ATP9B: variants seen among roughly 807,000 people sequenced by gnomAD.
The protein encoded by ATP9B is probable phospholipid-transporting ATPase IIB.
ATP9B carries 110 observed loss-of-function variants against 146.1 expected under a neutral mutation model. The observed-to-expected ratio is 0.75, with a 90% CI of 0.65 to 0.88. The LOEUF (loss-of-function observed/expected upper bound fraction) is 0.88, where lower values mean the gene tolerates loss of function less well. Ranked by LOEUF, ATP9B falls within the 40% of genes least tolerant of loss-of-function variation. ATP9B has a pLI of 0.00. For synonymous variants in ATP9B, 604 were observed against 569.7 expected (o/e 1.06, Z -0.86); for missense variants, 1,499 against 1,496.4 (o/e 1.00, Z -0.03).
At chr18:79,080,004 A>ATG (rs1331977842) in intron 1 of ATP9B, among the ~76,000 whole-genome samples, 1 of 152,206 alleles carries the variant, frequency 6.6e-6, no homozygotes, top group Non-Finnish European at 1.5e-5. Flanking sequence ...ACATTGGTCT[A>ATG]TAACTCTGTT....
intron 26 of ATP9B, among the ~76,000 whole-genome samples, chr18:79,365,300 C>T (rs968598978): frequency 1.3e-5 from 2 of 152,074 alleles, no homozygotes; most frequent in Admixed American, 1.3e-4. Flanking sequence ...TTGAAGCCAC[C>T]GTGAGATGCC....
intron 11 of ATP9B, among the ~76,000 whole-genome samples, chr18:79,249,824 G>C (rs1255585084): frequency 1.3e-5 from 2 of 152,084 alleles, no homozygotes; most frequent in Non-Finnish European, 2.9e-5. Flanking sequence ...CTTTTCTTCT[G>C]TTTTGTTAGA....
chr18:79,216,700 CT>C (rs1401383644), intron 11 of ATP9B, among the ~76,000 whole-genome samples: 3 of 152,178 alleles, frequency 2.0e-5, no homozygotes, highest in African/African-American at 7.2e-5. Context: ...CTCTTCTTTT[CT>C]TTTCCCTGTT....
intron 15 of ATP9B, among the ~76,000 whole-genome samples, chr18:79,320,482 A>G (rs1050523043): frequency 2.0e-5 from 3 of 152,212 alleles, no homozygotes; most frequent in Admixed American, 2.0e-4. Context: ...TGAGAGGCCC[A>G]GGGCCAGGCC....
chr18:79,356,016 C>T (rs1440798051), intron 25 of ATP9B, among the ~76,000 whole-genome samples: 1 of 152,180 alleles, frequency 6.6e-6, no homozygotes, highest in Non-Finnish European at 1.5e-5. Flanking sequence ...AGACTCGTGT[C>T]CAGCAGTGCT....
intron 3 of ATP9B, among the ~76,000 whole-genome samples, chr18:79,112,293 T>A (rs2093989179): frequency 6.6e-6 from 1 of 152,218 alleles, no homozygotes; most frequent in South Asian, 2.1e-4. Context: ...GATTTAATTG[T>A]AGTGTGCTGT....
intron 13 of ATP9B, among the ~76,000 whole-genome samples, chr18:79,302,330 C>T (rs946331637): frequency 6.6e-6 from 1 of 151,290 alleles, no homozygotes; most frequent in African/African-American, 2.4e-5. Flanking sequence ...GAAATAAGTG[C>T]ACACACCCCC....
chr18:79,193,309 T>G lies in ATP9B; in HGVS notation c.954+46T>G, dbSNP rs1255654767. The G allele has an allele frequency of 4.1e-6, 6 of 1,450,012 alleles. No individual in the cohort carries two copies. The East Asian group carries it at 1.4e-4, about 33-fold the overall frequency. 89.8% of individuals were successfully genotyped at this position (1,450,012 alleles called of 1,614,324 possible). ...AATACAAATAGAGTTATTGTGTAAG[T>G]TAAAAGTAGCAAACCTTTGAGACAG... On this transcript the variant is annotated intron_variant, in intron 9 of 29. Coordinates refer to ENST00000426216, the MANE Select transcript of ATP9B (RefSeq NM_198531.5).
At chr18:79,348,288 G>C in intron 25 of ATP9B, 92 bp downstream of exon 25, 6,621 of 967,450 alleles carry the variant, frequency 6.8e-3, no homozygotes, top group Non-Finnish European at 9.4e-3. Flanking sequence ...GTATATAGAA[G>C]ATTCTTGATA....
chr18:79,119,223 G>T (rs2094147276), intron 4 of ATP9B, among the ~76,000 whole-genome samples: 1 of 152,092 alleles, frequency 6.6e-6, no homozygotes, highest in Non-Finnish European at 1.5e-5. Flanking sequence ...ATTTAACTAG[G>T]TTTCAACCAA....
At chr18:79,200,789 G>GGGGACTGTCGGGGGCAGA (rs1244770040) in intron 9 of ATP9B, among the ~76,000 whole-genome samples, 1 of 79,122 alleles carries the variant, frequency 1.3e-5, no homozygotes, top group Non-Finnish European at 2.9e-5. Context: ...AAGTAGTGGT[G>GGGGACTGTCGGGGGCAGA]GAATTGTTTT....
intron 1 of ATP9B, among the ~76,000 whole-genome samples, chr18:79,086,610 A>G (rs2073862033): frequency 6.6e-6 from 1 of 152,024 alleles, no homozygotes; most frequent in South Asian, 2.1e-4. Flanking sequence ...TCCTGAGCTA[A>G]TTGGCTATAT....
chr18:79,098,277 C>G, intron 2 of ATP9B, among the ~76,000 whole-genome samples: 1 of 151,276 alleles, frequency 6.6e-6, no homozygotes, highest in East Asian at 1.9e-4. Flanking sequence ...ACCATAAAAA[C>G]CCTAGAAGAA....
intron 10 of ATP9B, among the ~76,000 whole-genome samples, chr18:79,213,217 T>A (rs1174203169): frequency 6.6e-6 from 1 of 152,114 alleles, no homozygotes; most frequent in Non-Finnish European, 1.5e-5. Flanking sequence ...TACAAAAAAT[T>A]AAGGATGAAA....
chr18:79,165,988 A>G (rs188823012), intron 7 of ATP9B, among the ~76,000 whole-genome samples: 2 of 152,042 alleles, frequency 1.3e-5, no homozygotes, highest in East Asian at 1.9e-4. Flanking sequence ...CTACACCACA[A>G]CCCCATCCCC....
At chr18:79,226,433 G>T (rs907854232) in intron 11 of ATP9B, among the ~76,000 whole-genome samples, 3 of 152,240 alleles carry the variant, frequency 2.0e-5, no homozygotes, top group African/African-American at 7.2e-5. Context: ...GTAACAAAAT[G>T]TGCAGGTAGA....
At chr18:79,103,979 A>G (rs958261579) in intron 2 of ATP9B, among the ~76,000 whole-genome samples, 2 of 152,170 alleles carry the variant, frequency 1.3e-5, no homozygotes, top group South Asian at 2.1e-4. Context: ...TCTCACCACT[A>G]TTTACAGCCA....
chr18:79,201,482 C>T lies in ATP9B; in HGVS notation c.955-5455C>T, dbSNP rs115505340. ...AACAAATTGGCTGGGCATGGTGGCT[C>T]ATGCTTGTAACCCTAGCACTTTGGG... is the stretch of plus-strand genomic sequence containing the variant. On this transcript the variant is annotated intron_variant, in intron 9 of 29. Transcript: ENST00000426216. Among the ~76,000 whole-genome samples the T allele has an allele frequency of 4.6e-3, 708 of 152,278 alleles. 7 individuals are homozygous for T. Among genetic ancestry groups the T allele is most frequent in the African/African-American group, 0.017 (687 of 41,558 alleles).
At chr18:79,255,729 C>G (rs2096071027) in intron 12 of ATP9B, among the ~76,000 whole-genome samples, 2 of 152,198 alleles carry the variant, frequency 1.3e-5, no homozygotes. Context: ...GGTCGAGTCT[C>G]TGGTTCTCAG....
Sources: gnomAD v4.1 joint callset for allele counts (sites outside exome capture counted in the v4.1 genomes callset) on GRCh38, gnomAD v4.1.1 for gene constraint, MANE v1.5 for transcripts, NCBI Gene and HGNC (gene_info 2026-07-23, HGNC 2026-07-21) for gene names.